Variants in EPHA2 observed in about 807,000 individuals in gnomAD.
The protein encoded by EPHA2 is EPH receptor A2.
In EPHA2, 54 loss-of-function variants were observed where a neutral mutation model predicts 104.9. That is an observed-to-expected ratio of 0.51 (90% CI 0.41 to 0.65). The LOEUF (loss-of-function observed/expected upper bound fraction) is 0.65. Ranked by LOEUF, EPHA2 falls within the 30% of genes least tolerant of loss-of-function variation. The probability of loss-of-function intolerance (pLI) is 0.00; values close to 1 mark genes in which losing one functional copy is unlikely to be tolerated. For missense variants in EPHA2, 1,117 were observed against 1,369.5 expected (o/e 0.82, Z 2.91); for synonymous variants, 560 against 559.1 (o/e 1.00, Z -0.02).
At chr1:16,136,369 C>T (rs954107681) in intron 5 of EPHA2, among the ~76,000 whole-genome samples, 5 of 150,636 alleles carry the variant, frequency 3.3e-5, no homozygotes, top group African/African-American at 1.2e-4. Flanking sequence ...CCTGTAATCC[C>T]AGCACTTTGG....
intron 16 of EPHA2, among the ~76,000 whole-genome samples, chr1:16,126,890 C>G (rs75170989): frequency 6.6e-6 from 1 of 152,210 alleles, no homozygotes; most frequent in Non-Finnish European, 1.5e-5. Flanking sequence ...CTCCCGCCCC[C>G]ACCCCTGCCC....
At position 16,134,245 on chromosome 1, in the gene EPHA2, TAATAAC is replaced by T. The variant is rs2024636979; in HGVS notation, c.1682+217_1682+222del. 2.8e-4 allele frequency among the ~76,000 whole-genome samples: 1 copy of T among 3,522 alleles called. No homozygotes were observed. The highest frequency in any genetic ancestry group is 2.0e-3 in the African/African-American group (1 of 506). The allele number at this position is 3,522 out of a possible 152,430, so 2.3% of individuals were successfully genotyped here. Reference sequence around the variant, plus strand: ...TCCAGAGGAAGTGTGGACACATCATTAATAACAACAAGAGCAGAGGTAATGACCCCC... The same window carrying T: ...TCCAGAGGAAGTGTGGACACATCATTAACAAGAGCAGAGGTAATGACCCCC... On this transcript the variant is annotated intron_variant, in intron 8 of 16. Transcript: ENST00000358432. The surrounding 1 kb of genome is among the most constrained non-coding windows in gnomAD (Gnocchi z 4.5).
chr1:16,124,930 C>A lies in EPHA2; in HGVS notation c.*285G>T. The A allele has an allele frequency of 2.1e-6, 1 of 465,756 alleles. No individual in the cohort carries two copies. Among genetic ancestry groups the A allele is most frequent in the Non-Finnish European group, 4.0e-6 (1 of 251,494 alleles). 28.9% of individuals were successfully genotyped at this position (465,756 alleles called of 1,614,324 possible). A position where few individuals can be genotyped will look rare whatever the true frequency, so the allele number is the denominator to read the frequency against. ...CTTGGGAATATCCCATATGTCTGTC[C>A]GAAGGCTGTGGCGGGGCTCCTGCTC... On this transcript the variant is annotated 3_prime_UTR_variant, in exon 17 of 17. Transcript: ENST00000358432.
rs537422152 is a variant in EPHA2 at position 16,139,278 on chromosome 1, G to A, written c.824-848C>T. Among the ~76,000 whole-genome samples, 6 of 152,334 alleles carry A rather than the reference G, an allele frequency of 3.9e-5. No individual in the cohort carries two copies. The East Asian group carries it at 5.8e-4, about 15-fold the overall frequency. ...GCTGCCCAGACACAGGGCTCACGGT[G>A]CAGGGCTGTCCAGGGCTTGGGCAGC... On this transcript the variant is annotated intron_variant, in intron 3 of 16. Coordinates refer to ENST00000358432, the MANE Select transcript of EPHA2 (RefSeq NM_004431.5).
At chr1:16,154,933 C>T (rs1172757239) in intron 1 of EPHA2, among the ~76,000 whole-genome samples, 3 of 152,056 alleles carry the variant, frequency 2.0e-5, no homozygotes, top group Non-Finnish European at 4.4e-5. Context: ...GGTCTTCGGC[C>T]AGGGCAGGAG....
chr1:16,135,882 T>G lies in EPHA2; in HGVS notation c.1313-112A>C. ...ATCCTCCACAGCCCAGATTCTTTCA[T>G]TTTTTTGAGACAGGATCTCGCTCTC... On this transcript the variant is annotated intron_variant, in intron 5 of 16. Coordinates refer to ENST00000358432, the MANE Select transcript of EPHA2 (RefSeq NM_004431.5). This position sits in a 1 kb window ranked among gnomAD's most constrained non-coding sequence, Gnocchi z 4.3. 1.6e-6 allele frequency: 1 copy of G among 639,154 alleles called. No individual in the cohort carries two copies. Among genetic ancestry groups the G allele is most frequent in the South Asian group, 1.7e-5 (1 of 58,144 alleles). The allele number at this position is 639,154 out of a possible 1,614,324, so 39.6% of individuals were successfully genotyped here.
rs189644350 is a variant in EPHA2 at position 16,131,191 on chromosome 1, T to C, written c.2475+530A>G. 2.0e-5 allele frequency among the ~76,000 whole-genome samples: 3 copies of C among 152,258 alleles called. No homozygotes were observed. The East Asian group carries it at 5.8e-4, about 29-fold the overall frequency. Reference sequence around the variant, plus strand: ...GCACACACATGCATGGACACACGGATACACACGTACACCCCACTCCTTTTT... The same window carrying C: ...GCACACACATGCATGGACACACGGACACACACGTACACCCCACTCCTTTTT... On this transcript the variant is annotated intron_variant, in intron 14 of 16. Coordinates refer to ENST00000358432, the MANE Select transcript of EPHA2 (RefSeq NM_004431.5). This position sits in a 1 kb window ranked among gnomAD's most constrained non-coding sequence, Gnocchi z 5.2.
At chr1:16,132,838 G>A (rs533921871) in intron 11 of EPHA2, among the ~76,000 whole-genome samples, 1 of 139,876 alleles carries the variant, frequency 7.1e-6, no homozygotes, top group Non-Finnish European at 1.6e-5. Context: ...GGGCACGGGT[G>A]TAAGGAGGTG....
In EPHA2 at chr1:16,135,608, C is replaced by G. The variant is rs1296235945; in HGVS notation, c.1428+47G>C. 6.4e-7 allele frequency: 1 copy of G among 1,557,294 alleles called. No individual in the cohort carries two copies. The highest frequency in any genetic ancestry group is 8.9e-7 in the Non-Finnish European group (1 of 1,128,668). ...GATCATCTATGTGACCAGCCTGTCC[C>G]CTGCTGTCGGCCCAGCTAGAGCCAG... is the stretch of plus-strand genomic sequence containing the variant. On this transcript the variant is annotated intron_variant, in intron 6 of 16. Transcript: ENST00000358432. The surrounding 1 kb of genome is among the most constrained non-coding windows in gnomAD (Gnocchi z 4.3).
At chr1:16,154,716 A>G (rs1165874964) in intron 1 of EPHA2, among the ~76,000 whole-genome samples, 2 of 124,458 alleles carry the variant, frequency 1.6e-5, no homozygotes, top group Admixed American at 2.3e-4. Flanking sequence ...AGATTGCGCC[A>G]TTGCACTCCA....
intron 3 of EPHA2, among the ~76,000 whole-genome samples, chr1:16,145,029 C>G (rs568795220): frequency 3.3e-5 from 5 of 152,282 alleles, no homozygotes; most frequent in Admixed American, 2.0e-4. Context: ...CTTGAGGGAG[C>G]AGGAGCCTCT....
Position 16,148,671 on chromosome 1 carries a change from C to A in EPHA2, c.530G>T (p.Gly177Val). The A allele has an allele frequency of 3.7e-6, 6 of 1,610,704 alleles. No individual in the cohort carries two copies. The highest frequency in any genetic ancestry group is 5.1e-6 in the Non-Finnish European group (6 of 1,180,024). ...ERSVGPLTRKGFYLAFQDIGA... is the reference protein window; with the variant it reads ...ERSVGPLTRKVFYLAFQDIGA... ...GATATCCTGGAAGGCCAGGTAGAAG[C>A]CTTTGCGGGTGAGCGGCCCCACGGA... The change falls in exon 3 of 17, where the codon GGC becomes GTC. Residue 177 changes from glycine to valine, a missense_variant. Coordinates refer to ENST00000358432, the MANE Select transcript of EPHA2 (RefSeq NM_004431.5). This position sits in a 1 kb window ranked among gnomAD's most constrained non-coding sequence, Gnocchi z 4.9.
chr1:16,130,297 G>A lies in EPHA2; in HGVS notation c.2598C>T (p.Asp866=), dbSNP rs769214418. 1 of 1,612,476 alleles carries A rather than the reference G, an allele frequency of 6.2e-7. No homozygotes were observed. The highest frequency in any genetic ancestry group is 1.3e-5 in the African/African-American group (1 of 74,910). ...TGAGCTTGTCCAGGATGCTGACGAT[G>A]TCAGCGAACTTGGGGCGGCGGGCAC... The part of the protein sequence containing the change: ...QERARRPKFA[D]IVSILDKLIR... Residue 866 remains aspartate (D), a synonymous_variant, in exon 15 of 17, where the codon GAC becomes GAT. Coordinates refer to ENST00000358432, the MANE Select transcript of EPHA2 (RefSeq NM_004431.5). The surrounding 1 kb of genome is among the most constrained non-coding windows in gnomAD (Gnocchi z 4.5).
intron 1 of EPHA2, 103 bp downstream of exon 1, chr1:16,155,745 G>A (rs2025150807): frequency 2.1e-6 from 2 of 957,280 alleles, no homozygotes; most frequent in South Asian, 2.5e-5. Flanking sequence ...GCCGGGACTG[G>A]GCGACACCAG....
intron 3 of EPHA2, among the ~76,000 whole-genome samples, chr1:16,140,831 C>T (rs1048940373): frequency 3.3e-5 from 5 of 152,172 alleles, no homozygotes; most frequent in Admixed American, 3.3e-4. Flanking sequence ...GAACTCCTGG[C>T]CTCAAGTGAT....
At chr1:16,154,301 GA>G (rs1320672099) in intron 1 of EPHA2, among the ~76,000 whole-genome samples, 1 of 152,138 alleles carries the variant, frequency 6.6e-6, no homozygotes, top group Non-Finnish European at 1.5e-5. Flanking sequence ...CCTGCAACCA[GA>G]AGTCCCGGTT....
Position 16,135,781 on chromosome 1 carries a change from C to A in EPHA2, c.1313-11G>T, listed in dbSNP as rs1042848253. Reference sequence around the variant, plus strand: ...TCACCTTGGGGGGCTCTGGGCAGGACAGGCAGTGGGGGAAGTGGGTAAGAA... The same window carrying A: ...TCACCTTGGGGGGCTCTGGGCAGGAAAGGCAGTGGGGGAAGTGGGTAAGAA... On this transcript the variant is annotated splice_polypyrimidine_tract_variant and intron_variant, in intron 5 of 16. Coordinates refer to ENST00000358432, the MANE Select transcript of EPHA2 (RefSeq NM_004431.5). This position sits in a 1 kb window ranked among gnomAD's most constrained non-coding sequence, Gnocchi z 4.3. 2 of 1,559,532 alleles carry A rather than the reference C, an allele frequency of 1.3e-6. No individual in the cohort carries two copies. Among genetic ancestry groups the A allele is most frequent in the Non-Finnish European group, 1.8e-6 (2 of 1,132,910 alleles).
In EPHA2 at chr1:16,148,988, G is replaced by A. The variant is rs756546009; in HGVS notation, c.213C>T (p.Asn71=). 8 of 1,614,108 alleles carry A rather than the reference G, an allele frequency of 5.0e-6. No homozygotes were observed. Among genetic ancestry groups the A allele is most frequent in the Admixed American group, 1.7e-5 (1 of 60,024 alleles). The part of the protein sequence containing the change: ...DMPIYMYSVC[N]VMSGDQDNWL... Reference sequence around the variant, plus strand: ...AGTTGTCCTGGTCGCCAGACATCACGTTGCACACGGAGTACATGTAGATCG... The same window carrying A: ...AGTTGTCCTGGTCGCCAGACATCACATTGCACACGGAGTACATGTAGATCG... Residue 71 remains asparagine (N), a synonymous_variant, in exon 3 of 17, where the codon AAC becomes AAT. Coordinates refer to ENST00000358432, the MANE Select transcript of EPHA2 (RefSeq NM_004431.5). This position sits in a 1 kb window ranked among gnomAD's most constrained non-coding sequence, Gnocchi z 4.9.
At position 16,130,648 on chromosome 1, in the gene EPHA2, G is replaced by A. The variant is rs1365537625; in HGVS notation, c.2476-229C>T. On this transcript the variant is annotated intron_variant, in intron 14 of 16. Transcript: ENST00000358432. This position sits in a 1 kb window ranked among gnomAD's most constrained non-coding sequence, Gnocchi z 4.5. ...GGAAGGGACTTTTTTTTTTTTGACT[G>A]AGACAGGGTCTCAGTCTGTCACCCA... Among the ~76,000 whole-genome samples the A allele has an allele frequency of 1.3e-5, 2 of 149,732 alleles. No individual in the cohort carries two copies. Among genetic ancestry groups the A allele is most frequent in the Middle Eastern group, 6.3e-3 (2 of 316 alleles).
Sources: gnomAD v4.1 joint callset for allele counts (sites outside exome capture counted in the v4.1 genomes callset) on GRCh38, gnomAD v4.1.1 for gene constraint, Gnocchi (gnomAD v3.1) non-coding constraint, MANE v1.5 for transcripts, NCBI Gene and HGNC (gene_info 2026-07-23, HGNC 2026-07-21) for gene names.